RELCH: variants seen among roughly 807,000 people sequenced by gnomAD.
RELCH encodes RAB11-binding protein RELCH.
RELCH carries 41 observed loss-of-function variants against 150.3 expected under a neutral mutation model. The observed-to-expected ratio is 0.27, with a 90% CI of 0.21 to 0.35. The LOEUF is 0.35. RELCH is among the 10% of genes least tolerant of loss of function. RELCH has a pLI of 1.00. For missense variants in RELCH, 1,092 were observed against 1,467.8 expected (o/e 0.74, Z 4.18); for synonymous variants, 478 against 531.8 (o/e 0.90, Z 1.39).
rs1027720045 is a variant in RELCH, at chr18:62,211,156, G to A, written c.530G>A (p.Arg177Gln). Residue 177 changes from arginine to glutamine, a missense_variant, in exon 2 of 29, where the codon CGA (arginine) becomes CAA (glutamine). Arg to Gln is a conservative substitution (Grantham distance 43, BLOSUM62 1). Around this residue, in one of 4 missense-constraint regions of RELCH, gnomAD observed 190 missense variants for 276.2 expected, o/e 0.69. Transcript: ENST00000644646. ...STASGGGQLNRAGSISTLDSL... is the reference protein window; with the variant it reads ...STASGGGQLNQAGSISTLDSL... ...TTTATATTTCTCTTTATTATAGATC[G>A]AGCTGGGAGCATTAGTACCCTTGAT... 7.0e-6 allele frequency: 11 copies of A among 1,564,400 alleles called. No homozygotes were observed. The highest frequency in any genetic ancestry group is 6.8e-5 in the Admixed American group (4 of 58,966).
rs1369091695 is a variant in RELCH at position 62,306,660 on chromosome 18, G to A, written c.*1126G>A. ...CTTAAGTCAGTGTACAGTTCCACTGGAATTTGACAGTTGTCTCTACAGTCA... is the reference window on the plus strand; with the variant it reads ...CTTAAGTCAGTGTACAGTTCCACTGAAATTTGACAGTTGTCTCTACAGTCA... On this transcript the variant is annotated 3_prime_UTR_variant, in exon 29 of 29. Transcript: ENST00000644646. The A allele has an allele frequency of 6.6e-6, 1 of 152,582 alleles. No individual in the cohort carries two copies. The highest frequency in any genetic ancestry group is 1.5e-5 in the Non-Finnish European group (1 of 68,006). The allele number at this position is 152,582 out of a possible 1,614,324, so 9.5% of individuals were successfully genotyped here. A position where few individuals can be genotyped will look rare whatever the true frequency, so the allele number is the denominator to read the frequency against.
At chr18:62,266,636 A>G (rs918565271) in intron 18 of RELCH, 65 bp from the exon 19 acceptor site, 2 of 988,356 alleles carry the variant, frequency 2.0e-6, no homozygotes, top group Non-Finnish European at 3.2e-6. Flanking sequence ...AGTAGTAAAC[A>G]TTTCATTTAA....
chr18:62,279,428 C>T (rs576851598), intron 22 of RELCH, among the ~76,000 whole-genome samples: 8 of 152,260 alleles, frequency 5.3e-5, no homozygotes, highest in African/African-American at 1.9e-4. Flanking sequence ...AGAATTTTAA[C>T]CATAGAGCAC....
At chr18:62,233,001 A>G (rs1279720849) in intron 10 of RELCH, among the ~76,000 whole-genome samples, 3 of 152,002 alleles carry the variant, frequency 2.0e-5, no homozygotes, top group African/African-American at 7.2e-5. Flanking sequence ...TCTTGCAGTT[A>G]ACCGGTTATT....
At chr18:62,247,733 G>C (rs1032989982) in intron 11 of RELCH, among the ~76,000 whole-genome samples, 1 of 152,038 alleles carries the variant, frequency 6.6e-6, no homozygotes, top group African/African-American at 2.4e-5. Flanking sequence ...TTTTTGTAGA[G>C]ACAGGGTTTC....
chr18:62,287,895 A>G (rs929440118), intron 26 of RELCH, among the ~76,000 whole-genome samples: 1 of 152,122 alleles, frequency 6.6e-6, no homozygotes, highest in African/African-American at 2.4e-5. Context: ...TCTTAGAGAG[A>G]TATCACACAT....
At chr18:62,244,568 A>G (rs1355120918) in intron 10 of RELCH, among the ~76,000 whole-genome samples, 196 bp from the exon 11 acceptor site, 1 of 152,206 alleles carries the variant, frequency 6.6e-6, no homozygotes, top group Admixed American at 6.5e-5. Flanking sequence ...TGTGATTTAC[A>G]TTTCCTCCAC....
chr18:62,235,531 A>G (rs1487179571), intron 10 of RELCH: 1 of 152,058 alleles, frequency 6.6e-6, no homozygotes, highest in Non-Finnish European at 1.5e-5. Flanking sequence ...AAATCTGTAG[A>G]TCTCTTTGGG....
At chr18:62,283,489 C>T (rs930664796) in intron 25 of RELCH, among the ~76,000 whole-genome samples, 8 of 152,216 alleles carry the variant, frequency 5.3e-5, no homozygotes, top group Non-Finnish European at 1.0e-4. Flanking sequence ...TTTTATTCTC[C>T]GGCAGACTGT....
chr18:62,222,922 T>C (rs1233543939), intron 5 of RELCH, among the ~76,000 whole-genome samples: 3 of 152,012 alleles, frequency 2.0e-5, no homozygotes, highest in South Asian at 2.1e-4. Flanking sequence ...TTATGAAGTA[T>C]TTTGAACTGA....
chr18:62,255,513 T>A, intron 13 of RELCH, 35 bp downstream of exon 13: 1 of 1,480,216 alleles, frequency 6.8e-7, no homozygotes, highest in Non-Finnish European at 9.2e-7. Flanking sequence ...TTAAACTATT[T>A]TTCCAATAAT....
Position 62,298,817 on chromosome 18 carries a change from T to G in RELCH, c.3487T>G (p.Cys1163Gly). Residue 1163 changes from cysteine to glycine, a missense_variant, in exon 28 of 29, where the codon TGT (cysteine) becomes GGT (glycine). Physicochemically the swap from Cys to Gly is radical, Grantham distance 159 (BLOSUM62 -3). This residue lies in a region of RELCH where 707 missense variants were observed against 1,025.4 expected (regional missense o/e 0.69). Transcript: ENST00000644646. ...EVILSSMIKE[C>G]EQKVENKTVQ... Reference sequence around the variant, plus strand: ...TATTTTAAGTTCCATGATAAAAGAATGTGAACAAAAAGTTGAAAACAAGAC... The same window carrying G: ...TATTTTAAGTTCCATGATAAAAGAAGGTGAACAAAAAGTTGAAAACAAGAC... The G allele has an allele frequency of 6.3e-7, 1 of 1,587,684 alleles. No homozygotes were observed. Among genetic ancestry groups the G allele is most frequent in the Non-Finnish European group, 8.6e-7 (1 of 1,159,526 alleles).
intron 22 of RELCH, among the ~76,000 whole-genome samples, chr18:62,279,282 A>T (rs2044376968): frequency 6.6e-6 from 1 of 152,194 alleles, no homozygotes; most frequent in Non-Finnish European, 1.5e-5. Flanking sequence ...GAATTGTCCT[A>T]TATGGTTTTA....
chr18:62,235,849 A>G (rs556295986), intron 10 of RELCH, among the ~76,000 whole-genome samples: 2 of 152,042 alleles, frequency 1.3e-5, no homozygotes, highest in East Asian at 3.9e-4. Flanking sequence ...ATCATTTTTT[A>G]TGGGTTCTAT....
chr18:62,252,643 GT>G lies in RELCH; in HGVS notation c.1734-15del. On this transcript the variant is annotated intron_variant, in intron 11 of 28. Transcript: ENST00000644646. ...GTGCTTTCTCATGCAAATACAAGCC[GT>G]TTTTTATATTATTTTTCAGGCAAAT... is the stretch of plus-strand genomic sequence containing the variant. The G allele has an allele frequency of 6.2e-7, 1 of 1,605,190 alleles. No homozygotes were observed. Among genetic ancestry groups the G allele is most frequent in the South Asian group, 1.1e-5 (1 of 90,860 alleles).
chr18:62,275,413 G>A lies in RELCH; in HGVS notation c.2907G>A (p.Leu969=), dbSNP rs138241312. The A allele has an allele frequency of 1.1e-3, 1,705 of 1,534,364 alleles. 5 individuals carry two copies. The highest frequency in any genetic ancestry group is 1.4e-3 in the Non-Finnish European group (1,611 of 1,146,128). Residue 969 remains leucine, a synonymous_variant, in exon 22 of 29, where the codon TTG becomes TTA. Coordinates refer to ENST00000644646, the MANE Select transcript of RELCH (RefSeq NM_001346231.2). ...ACCATGAGTTACTATTAACTGTTTT[G>A]TGGTATGGTGTTGTCCATACTTCAG... ...PAYHELLLTV[L]WYGVVHTSAL... is the part of the protein sequence containing the mutation.
At chr18:62,205,146 C>T (rs903635699) in intron 1 of RELCH, among the ~76,000 whole-genome samples, 1 of 152,120 alleles carries the variant, frequency 6.6e-6, no homozygotes, top group South Asian at 2.1e-4. Context: ...AATTAAGTTG[C>T]ACATATCAGT....
intron 19 of RELCH, among the ~76,000 whole-genome samples, chr18:62,267,231 C>G (rs946895230): frequency 1.3e-5 from 2 of 151,770 alleles, no homozygotes; most frequent in African/African-American, 4.8e-5. Context: ...AGTTTTCACT[C>G]ATCTACTTTA....
chr18:62,293,119 T>C (rs906731966), intron 27 of RELCH, among the ~76,000 whole-genome samples: 3 of 152,226 alleles, frequency 2.0e-5, no homozygotes, highest in Non-Finnish European at 4.4e-5. Flanking sequence ...TTTTCTTCCA[T>C]GCCTTTGCCT....
Sources: allele counts gnomAD v4.1 joint callset (sites outside exome capture counted in the v4.1 genomes callset), GRCh38; gene constraint gnomAD v4.1.1; regional missense constraint gnomAD v4.1.1; transcripts MANE v1.5; gene names NCBI Gene and HGNC (gene_info 2026-07-23, HGNC 2026-07-21).